The following GRIA4 variants were observed in gnomAD, a reference collection of about 807,000 sequenced individuals.
GRIA4 encodes glutamate receptor 4.
Under a neutral mutation model 104.0 loss-of-function variants are expected in GRIA4, and 34 were observed. The observed-to-expected ratio is 0.33, with a 90% CI of 0.25 to 0.44. The LOEUF is 0.44. Among genes scored for constraint, GRIA4 ranks in the 20% least tolerant of loss-of-function variants. The pLI, the probability that GRIA4 is intolerant of heterozygous loss-of-function variation, is 1.00. For missense variants in GRIA4, 750 were observed against 1,096.5 expected (o/e 0.68, Z 4.46); for synonymous variants, 386 against 381.9 (o/e 1.01, Z -0.13).
chr11:105,881,423 T>C (rs542062108), intron 5 of GRIA4, among the ~76,000 whole-genome samples: 4 of 152,252 alleles, frequency 2.6e-5, no homozygotes, highest in African/African-American at 4.8e-5. Context: ...GGCAAGACAT[T>C]GATAGTGTCT....
chr11:105,827,156 G>A (rs1940966), intron 4 of GRIA4, among the ~76,000 whole-genome samples: 10,733 of 152,030 alleles, frequency 0.071, 569 homozygotes, highest in East Asian at 0.22. Flanking sequence ...AAGTTATCCT[G>A]GCTCCTGCTC....
rs1230676035 is a variant in GRIA4, at chr11:105,733,583, A to G, written c.248-19398A>G. Among the ~76,000 whole-genome samples, 4 of 151,978 alleles carry G rather than the reference A, an allele frequency of 2.6e-5. No homozygotes were observed. The South Asian group carries it at 6.2e-4, about 24-fold the overall frequency. On this transcript the variant is annotated intron_variant, in intron 3 of 16. Transcript: ENST00000282499. ...GCAATTCTGCTGCCTCAGCCTCCCA[A>G]GTAGCTAGGATTACAGGCGCCTGCC...
At chr11:105,688,146 ATATC>A in intron 3 of GRIA4, among the ~76,000 whole-genome samples, 1 of 32,604 alleles carries the variant, frequency 3.1e-5, no homozygotes, top group East Asian at 9.0e-4. Flanking sequence ...ATCTATATCT[ATATC>A]TATATCTCTA....
intron 4 of GRIA4, among the ~76,000 whole-genome samples, chr11:105,764,068 T>A (rs1281401878): frequency 2.0e-5 from 3 of 152,228 alleles, no homozygotes; most frequent in Admixed American, 6.5e-5. Context: ...AAAGTAACAC[T>A]GAAATTTTGT....
rs71041633 is a variant in GRIA4 at position 105,866,551 on chromosome 11, G to GTA, written c.672+4375_672+4376dup. On this transcript the variant is annotated intron_variant, in intron 5 of 16. Transcript: ENST00000282499. Reference sequence around the variant, plus strand: ...TATACGCATATGTGTGTGTGTGTGTGTATATATATATATATATATATATAT... The same window carrying GTA: ...TATACGCATATGTGTGTGTGTGTGTGTATATATATATATATATATATATATAT... 8.4e-3 allele frequency among the ~76,000 whole-genome samples: 645 copies of GTA among 76,668 alleles called. 6 individuals are homozygous for GTA. The highest frequency in any genetic ancestry group is 0.022 in the Middle Eastern group (3 of 134). The allele number at this position is 76,668 out of a possible 152,430, so 50.3% of individuals were successfully genotyped here.
intron 3 of GRIA4, among the ~76,000 whole-genome samples, chr11:105,736,126 G>GCC (rs1330270283): frequency 2.0e-5 from 3 of 152,098 alleles, no homozygotes; most frequent in South Asian, 2.1e-4. Context: ...AAAATTCAGA[G>GCC]TACCCAGACA....
chr11:105,661,100 T>C (rs960774660), intron 3 of GRIA4, among the ~76,000 whole-genome samples: 5 of 151,578 alleles, frequency 3.3e-5, no homozygotes, highest in Admixed American at 2.0e-4. Flanking sequence ...GAAGATGAGA[T>C]ATTTTCTAGT....
intron 3 of GRIA4, among the ~76,000 whole-genome samples, chr11:105,688,951 C>T (rs528217326): frequency 2.6e-5 from 4 of 151,320 alleles, no homozygotes; most frequent in Admixed American, 1.3e-4. Context: ...AAGTTGACAC[C>T]TAAAAAAAAA....
intron 4 of GRIA4, among the ~76,000 whole-genome samples, chr11:105,841,215 G>GTGT (rs1944380979): frequency 6.6e-6 from 1 of 151,060 alleles, no homozygotes. Flanking sequence ...CGAAGATAAC[G>GTGT]TACAGAGTGG....
intron 14 of GRIA4, among the ~76,000 whole-genome samples, chr11:105,960,629 C>G (rs926187549): frequency 2.6e-5 from 4 of 152,222 alleles, no homozygotes; most frequent in African/African-American, 9.6e-5. Flanking sequence ...ACAGCTTCGA[C>G]AGCAGGCAGC....
chr11:105,769,373 TAA>T (rs1236504690), intron 4 of GRIA4, among the ~76,000 whole-genome samples: 3 of 151,970 alleles, frequency 2.0e-5, no homozygotes, highest in Non-Finnish European at 2.9e-5. Flanking sequence ...TCTTAAAGAC[TAA>T]GATTTCCAGA....
chr11:105,798,020 G>C, intron 4 of GRIA4: 1 of 328,936 alleles, frequency 3.0e-6, no homozygotes, highest in Non-Finnish European at 6.1e-6. Flanking sequence ...AACTATCCTA[G>C]ATTCAGCAAT....
intron 13 of GRIA4, among the ~76,000 whole-genome samples, chr11:105,932,984 A>G (rs561200663): frequency 6.6e-6 from 1 of 152,260 alleles, no homozygotes; most frequent in East Asian, 1.9e-4. Flanking sequence ...CACACCTGTA[A>G]TCCCAGCACT....
chr11:105,951,063 T>C (rs901415009), intron 14 of GRIA4, among the ~76,000 whole-genome samples: 5 of 152,180 alleles, frequency 3.3e-5, no homozygotes, highest in African/African-American at 1.2e-4. Context: ...ACCTCTAACC[T>C]ACATTTTGAT....
At position 105,810,711 on chromosome 11, in the gene GRIA4, G is replaced by A. The variant is rs566452269; in HGVS notation, c.488-51313G>A. 9.2e-5 allele frequency among the ~76,000 whole-genome samples: 14 copies of A among 152,142 alleles called. No homozygotes were observed. The East Asian group carries it at 2.3e-3, about 25-fold the overall frequency. On this transcript the variant is annotated intron_variant, in intron 4 of 16. Coordinates refer to ENST00000282499, the MANE Select transcript of GRIA4 (RefSeq NM_000829.4). ...GATACAGCTGAACTACTAAAAAGAA[G>A]TTATATATAAATTGTAAAGCCTGCC...
chr11:105,655,693 T>G, intron 3 of GRIA4, among the ~76,000 whole-genome samples: 1 of 152,162 alleles, frequency 6.6e-6, no homozygotes, highest in East Asian at 1.9e-4. Context: ...TAGTATTCCA[T>G]GGTGTATATG....
intron 3 of GRIA4, among the ~76,000 whole-genome samples, chr11:105,667,793 T>C (rs1434610077): frequency 6.6e-6 from 1 of 152,102 alleles, no homozygotes; most frequent in Non-Finnish European, 1.5e-5. Flanking sequence ...CTAATTAACA[T>C]ATCTTTTATT....
intron 3 of GRIA4, among the ~76,000 whole-genome samples, chr11:105,742,560 A>G (rs1421677096): frequency 6.6e-6 from 1 of 151,624 alleles, no homozygotes; most frequent in Non-Finnish European, 1.5e-5. Flanking sequence ...ACACACACAC[A>G]TATACATGTG....
chr11:105,967,407 C>T (rs960239362), intron 14 of GRIA4, among the ~76,000 whole-genome samples: 1 of 152,092 alleles, frequency 6.6e-6, no homozygotes, highest in East Asian at 1.9e-4. Context: ...TAGCTTGTAT[C>T]CAACTCATTG....
Sources: allele counts gnomAD v4.1 joint callset (sites outside exome capture counted in the v4.1 genomes callset), GRCh38; gene constraint gnomAD v4.1.1; transcripts MANE v1.5; gene names NCBI Gene and HGNC (gene_info 2026-07-23, HGNC 2026-07-21).